The following LDLRAD4 variants were observed in gnomAD, a reference collection of about 807,000 sequenced individuals.
LDLRAD4 encodes low density lipoprotein receptor class A domain containing 4.
Under a neutral mutation model 17.0 loss-of-function variants are expected in LDLRAD4, and 5 were observed. That is an observed-to-expected ratio of 0.29 (90% CI 0.15 to 0.62). The LOEUF is 0.62. Ranked by LOEUF, LDLRAD4 falls within the 20% of genes least tolerant of loss-of-function variation. LDLRAD4 has a pLI of 0.84. For missense variants in LDLRAD4, 340 were observed against 424.7 expected (o/e 0.80, Z 1.75); for synonymous variants, 168 against 171.8 (o/e 0.98, Z 0.17).
At chr18:13,614,033 C>A (rs2039854164) in intron 3 of LDLRAD4, 1 of 152,114 alleles carries the variant, frequency 6.6e-6, no homozygotes, top group South Asian at 2.1e-4. Context: ...AATATGAAAA[C>A]CTTTAGCAAA....
At chr18:13,601,579 G>A (rs1044918965) in intron 3 of LDLRAD4, among the ~76,000 whole-genome samples, 15 of 151,786 alleles carry the variant, frequency 9.9e-5, no homozygotes, top group Non-Finnish European at 1.8e-4. Flanking sequence ...GCATGAACCC[G>A]GGAGGCGGAG....
In LDLRAD4 at chr18:13,286,865, C is replaced by T. The variant is rs369755052; in HGVS notation, c.-383+8677C>T. ...GCCTGGGGTGGAGGGATCCGTGCGCCGATTGTGTTGGTAGCTGGAATGTGC... is the reference window on the plus strand; with the variant it reads ...GCCTGGGGTGGAGGGATCCGTGCGCTGATTGTGTTGGTAGCTGGAATGTGC... On this transcript the variant is annotated intron_variant, in intron 1 of 5. Coordinates refer to ENST00000359446, the Ensembl canonical transcript of LDLRAD4. Among the ~76,000 whole-genome samples, 330 of 152,166 alleles carry T rather than the reference C, an allele frequency of 2.2e-3. 2 individuals are homozygous for T. Among genetic ancestry groups the T allele is most frequent in the African/African-American group, 7.2e-3 (298 of 41,514 alleles).
chr18:13,389,408 T>G (rs1384141863), intron 2 of LDLRAD4, among the ~76,000 whole-genome samples: 2 of 152,092 alleles, frequency 1.3e-5, no homozygotes, highest in African/African-American at 4.8e-5. Flanking sequence ...CAGAAGCAAC[T>G]GAGAAGTGGC....
chr18:13,475,269 A>C (rs1382832074), intron 3 of LDLRAD4, among the ~76,000 whole-genome samples: 2 of 152,070 alleles, frequency 1.3e-5, no homozygotes, highest in Admixed American at 1.3e-4. Context: ...TTTTGTTTTA[A>C]GAGATGTCTC....
At chr18:13,470,671 G>A (rs558456488) in intron 3 of LDLRAD4, 2 of 151,072 alleles carry the variant, frequency 1.3e-5, no homozygotes, top group African/African-American at 2.4e-5. Context: ...CTGACCCTCT[G>A]GTCATGGCAC....
intron 3 of LDLRAD4, chr18:13,461,511 A>C (rs1447261836): frequency 6.6e-6 from 1 of 152,244 alleles, no homozygotes; most frequent in Non-Finnish European, 1.5e-5. Context: ...CAAGGAAAGA[A>C]TAAAGCAACA....
chr18:13,397,456 A>G (rs781649551), intron 2 of LDLRAD4, among the ~76,000 whole-genome samples: 3 of 152,150 alleles, frequency 2.0e-5, no homozygotes, highest in Non-Finnish European at 4.4e-5. Flanking sequence ...TTGCAGCAAT[A>G]GGGTCTTACT....
chr18:13,640,312 G>GAAAAA (rs1555780823), intron 4 of LDLRAD4, among the ~76,000 whole-genome samples: 6 of 77,470 alleles, frequency 7.7e-5, no homozygotes, highest in Admixed American at 1.3e-4. Context: ...AAAAAAAAAT[G>GAAAAA]AAATCCGTTC....
At chr18:13,419,260 T>C (rs890874439) in intron 2 of LDLRAD4, among the ~76,000 whole-genome samples, 5 of 152,208 alleles carry the variant, frequency 3.3e-5, no homozygotes, top group African/African-American at 1.2e-4. Context: ...TTAATGTTAA[T>C]TTTTGTGTCA....
In LDLRAD4 at chr18:13,367,155, T is replaced by C. The variant is rs1244709299; in HGVS notation, c.-382-20186T>C. Among the ~76,000 whole-genome samples the C allele has an allele frequency of 6.6e-6, 1 of 152,212 alleles. No individual in the cohort carries two copies. Among genetic ancestry groups the C allele is most frequent in the Admixed American group, 6.5e-5 (1 of 15,286 alleles). On this transcript the variant is annotated intron_variant, in intron 1 of 5. Transcript: ENST00000359446. This position sits in a 1 kb window ranked among gnomAD's most constrained non-coding sequence, Gnocchi z 4.1. The stretch of plus-strand genomic sequence containing the variant: ...CCTGTTGCTGTCCACAGGGAAGTCC[T>C]GTGGCTGTGGGAAGGAGGTTTTGCA...
intron 1 of LDLRAD4, among the ~76,000 whole-genome samples, chr18:13,343,956 G>GT (rs2082529036): frequency 6.6e-6 from 1 of 152,084 alleles, no homozygotes; most frequent in Non-Finnish European, 1.5e-5. Context: ...AAATTTGCTT[G>GT]AGTTCATTGT....
At chr18:13,237,010 A>G (rs1011147755) in intron 1 of LDLRAD4, among the ~76,000 whole-genome samples, 21 of 152,170 alleles carry the variant, frequency 1.4e-4, no homozygotes, top group African/African-American at 4.8e-4. Context: ...TTAATGGAGA[A>G]TGAAACACAG....
intron 4 of LDLRAD4, chr18:13,641,871 AC>A (rs2042591489): frequency 2.0e-6 from 2 of 985,314 alleles, no homozygotes; most frequent in Non-Finnish European, 2.4e-6. Context: ...GTTTTCAGGA[AC>A]CGCTCAGCCC....
intron 3 of LDLRAD4, chr18:13,613,390 C>T (rs1178197866): frequency 6.6e-6 from 1 of 152,154 alleles, no homozygotes; most frequent in Non-Finnish European, 1.5e-5. Context: ...TTCTGATGCA[C>T]TTTCCTAAAT....
intron 1 of LDLRAD4, among the ~76,000 whole-genome samples, chr18:13,361,597 CT>C (rs2083673391): frequency 1.3e-5 from 2 of 152,184 alleles, no homozygotes; most frequent in African/African-American, 2.4e-5. Flanking sequence ...CCTCTTCATG[CT>C]AGTTCTTTCA....
chr18:13,552,727 A>G (rs1268332089), intron 3 of LDLRAD4, among the ~76,000 whole-genome samples: 1 of 152,214 alleles, frequency 6.6e-6, no homozygotes, highest in East Asian at 1.9e-4. Flanking sequence ...TAGACAGTAC[A>G]GGGAAAGTGA....
intron 3 of LDLRAD4, among the ~76,000 whole-genome samples, chr18:13,493,782 G>T (rs986843092): frequency 6.6e-6 from 1 of 152,174 alleles, no homozygotes; most frequent in African/African-American, 2.4e-5. Flanking sequence ...GGGAAGAGGG[G>T]CACAGAACAG....
chr18:13,637,520 A>G (rs1045450265), intron 4 of LDLRAD4, among the ~76,000 whole-genome samples: 1 of 152,188 alleles, frequency 6.6e-6, no homozygotes, highest in Non-Finnish European at 1.5e-5. Context: ...GTTTAAAAAA[A>G]TAAGGAAATG....
chr18:13,640,493 T>C (rs1464825469), intron 4 of LDLRAD4, among the ~76,000 whole-genome samples: 1 of 152,194 alleles, frequency 6.6e-6, no homozygotes, highest in African/African-American at 2.4e-5. Flanking sequence ...TCTCTACCAG[T>C]GGCCAACTCT....
Sources: allele counts gnomAD v4.1 joint callset (sites outside exome capture counted in the v4.1 genomes callset), GRCh38; gene constraint gnomAD v4.1.1; non-coding constraint Gnocchi (gnomAD v3.1); transcripts MANE v1.5; gene names NCBI Gene and HGNC (gene_info 2026-07-23, HGNC 2026-07-21).